The following KIFAP3 variants were observed in gnomAD, a reference collection of about 807,000 sequenced individuals.
KIFAP3 encodes kinesin associated protein 3.
A neutral mutation model predicts 106.5 loss-of-function variants in KIFAP3; 68 were observed. The observed-to-expected ratio is 0.64, with a 90% CI of 0.53 to 0.78. The LOEUF (loss-of-function observed/expected upper bound fraction) is 0.78. Ranked by LOEUF, KIFAP3 falls within the 30% of genes least tolerant of loss-of-function variation. The pLI is 0.00. For synonymous variants in KIFAP3, 320 were observed against 311.5 expected (o/e 1.03, Z -0.29); for missense variants, 780 against 941.8 (o/e 0.83, Z 2.25).
intron 10 of KIFAP3, among the ~76,000 whole-genome samples, chr1:170,006,800 C>A (rs555095710): frequency 9.2e-5 from 14 of 152,248 alleles, no homozygotes; most frequent in Middle Eastern, 3.4e-3. Flanking sequence ...GGAGTAATAT[C>A]TGGACCAACA....
intron 18 of KIFAP3, among the ~76,000 whole-genome samples, chr1:169,954,430 A>C (rs1316067206): frequency 6.6e-6 from 1 of 152,180 alleles, no homozygotes; most frequent in Non-Finnish European, 1.5e-5. Context: ...TAAGGAAGGG[A>C]AGCAAGGTGG....
At chr1:170,025,465 A>C (rs546044203) in intron 8 of KIFAP3, among the ~76,000 whole-genome samples, 1 of 152,254 alleles carries the variant, frequency 6.6e-6, no homozygotes, top group Non-Finnish European at 1.5e-5. Context: ...TATGAAAAGA[A>C]GAAATACATG....
At chr1:170,082,257 A>G (rs2102195384) in intron 1 of KIFAP3, among the ~76,000 whole-genome samples, 1 of 152,378 alleles carries the variant, frequency 6.6e-6, no homozygotes, top group Middle Eastern at 3.4e-3. Flanking sequence ...AGCATCAAGA[A>G]AAATCAAAAC....
At chr1:170,027,014 CTTTTTT>C (rs71125222) in intron 8 of KIFAP3, among the ~76,000 whole-genome samples, 1 of 64,388 alleles carries the variant, frequency 1.6e-5, no homozygotes, top group African/African-American at 6.1e-5. Flanking sequence ...TGTCTTGCTT[CTTTTTT>C]TTTTTTTTTT....
At chr1:169,939,645 T>C (rs1438997377) in intron 19 of KIFAP3, among the ~76,000 whole-genome samples, 1 of 152,044 alleles carries the variant, frequency 6.6e-6, no homozygotes, top group African/African-American at 2.4e-5. Context: ...AGAACAGGGA[T>C]ATAGCCCTGA....
intron 19 of KIFAP3, among the ~76,000 whole-genome samples, chr1:169,927,609 A>G (rs1663214133): frequency 6.6e-6 from 1 of 152,170 alleles, no homozygotes; most frequent in African/African-American, 2.4e-5. Flanking sequence ...AGGCTCTAGT[A>G]TTGTATCTGA....
intron 19 of KIFAP3, among the ~76,000 whole-genome samples, chr1:169,926,644 CAT>C (rs1283588165): frequency 1.3e-5 from 2 of 149,326 alleles, no homozygotes; most frequent in Non-Finnish European, 3.0e-5. Context: ...TTACATGTAA[CAT>C]TAAGTTTTTT....
chr1:170,035,372 T>C (rs1219806528), intron 6 of KIFAP3, 82 bp downstream of exon 6: 9 of 760,108 alleles, frequency 1.2e-5, no homozygotes, highest in Non-Finnish European at 1.9e-5. Flanking sequence ...AGAGAACAAG[T>C]GATCTACAAA....
intron 1 of KIFAP3, among the ~76,000 whole-genome samples, chr1:170,071,758 C>G (rs565229093): frequency 8.5e-5 from 13 of 152,312 alleles, no homozygotes; most frequent in African/African-American, 3.1e-4. Flanking sequence ...CAGGCTCCAG[C>G]TCCCAACACT....
At chr1:169,964,976 C>G (rs1161718868) in intron 17 of KIFAP3, among the ~76,000 whole-genome samples, 1 of 151,956 alleles carries the variant, frequency 6.6e-6, no homozygotes, top group Non-Finnish European at 1.5e-5. Context: ...CATAATCATA[C>G]AGTAGAAAGA....
At chr1:170,017,505 A>C (rs569104858) in intron 9 of KIFAP3, among the ~76,000 whole-genome samples, 1 of 152,188 alleles carries the variant, frequency 6.6e-6, no homozygotes, top group African/African-American at 2.4e-5. Context: ...TTTAGGAATA[A>C]AAGAGCCTGT....
chr1:169,939,967 T>C (rs761939011), intron 19 of KIFAP3, among the ~76,000 whole-genome samples: 23 of 152,198 alleles, frequency 1.5e-4, no homozygotes, highest in Admixed American at 5.2e-4. Flanking sequence ...GCAGTTGGAA[T>C]ATGATGTGGG....
In KIFAP3 at chr1:170,029,609, C is replaced by A. The variant is rs545749853; in HGVS notation, c.841+2277G>T. On this transcript the variant is annotated intron_variant, in intron 8 of 19. Transcript: ENST00000361580. Reference sequence around the variant, plus strand: ...TAAACAACAACAACAACAACAACAACAACAAAAAATAAGAGTATATTAAAC... The same window carrying A: ...TAAACAACAACAACAACAACAACAAAAACAAAAAATAAGAGTATATTAAAC... Among the ~76,000 whole-genome samples, 9 of 151,488 alleles carry A rather than the reference C, an allele frequency of 5.9e-5. No homozygotes were observed. In the South Asian group the frequency reaches 1.7e-3, roughly 28 times the overall value.
intron 19 of KIFAP3, among the ~76,000 whole-genome samples, chr1:169,940,587 T>G (rs1016103997): frequency 1.3e-5 from 2 of 152,052 alleles, no homozygotes; most frequent in Non-Finnish European, 2.9e-5. Flanking sequence ...GAGTTCACAA[T>G]AGGGTTTGTG....
chr1:169,923,716 G>A (rs2101760597), intron 19 of KIFAP3, among the ~76,000 whole-genome samples: 1 of 152,292 alleles, frequency 6.6e-6, no homozygotes, highest in South Asian at 2.1e-4. Flanking sequence ...GGCACCTTCA[G>A]AGTATCTCAC....
chr1:169,993,840 A>T (rs510127), intron 10 of KIFAP3, among the ~76,000 whole-genome samples: 33 of 152,068 alleles, frequency 2.2e-4, no homozygotes, highest in African/African-American at 7.7e-4. Flanking sequence ...AGCCCAGATC[A>T]TGCCACTGCA....
At position 170,046,210 on chromosome 1, in the gene KIFAP3, C is replaced by CAAAAAAAAAAAAA. The variant is rs60580320; in HGVS notation, c.319+489_319+501dup. Among the ~76,000 whole-genome samples, 380 of 56,588 alleles carry CAAAAAAAAAAAAA rather than the reference C, an allele frequency of 6.7e-3. 5 individuals are homozygous for CAAAAAAAAAAAAA. Among genetic ancestry groups the CAAAAAAAAAAAAA allele is most frequent in the Non-Finnish European group, 0.01 (326 of 32,456 alleles). The allele number at this position is 56,588 out of a possible 152,430, so 37.1% of individuals were successfully genotyped here. A position where few individuals can be genotyped will look rare whatever the true frequency, so the allele number is the denominator to read the frequency against. On this transcript the variant is annotated intron_variant, in intron 3 of 19. Transcript: ENST00000361580. ...CCAGATTAAACCTTTTTCTCTGCTG[C>CAAAAAAAAAAAAA]AAAAAAAAAAAAAAAAAAAGGAAAC...
intron 8 of KIFAP3, among the ~76,000 whole-genome samples, chr1:170,025,428 T>C (rs752907024): frequency 2.0e-5 from 3 of 152,230 alleles, no homozygotes; most frequent in East Asian, 1.9e-4. Flanking sequence ...TCACTTCATG[T>C]ATTCTTGCAA....
At chr1:169,946,419 A>G (rs1002729041) in intron 19 of KIFAP3, among the ~76,000 whole-genome samples, 6 of 152,122 alleles carry the variant, frequency 3.9e-5, no homozygotes, top group Non-Finnish European at 2.9e-5. Context: ...CAAAACCTAC[A>G]TATCTTACTC....
Sources: gnomAD v4.1 joint callset for allele counts (sites outside exome capture counted in the v4.1 genomes callset) on GRCh38, gnomAD v4.1.1 for gene constraint, MANE v1.5 for transcripts, NCBI Gene and HGNC (gene_info 2026-07-23, HGNC 2026-07-21) for gene names.